The following KIAA1328 variants were observed in gnomAD, a reference collection of about 807,000 sequenced individuals.
KIAA1328 encodes protein hinderin.
A neutral mutation model predicts 68.1 loss-of-function variants in KIAA1328; 52 were observed. The ratio of observed to expected loss-of-function variants is 0.76; its 90% CI spans 0.61 to 0.96. The LOEUF (loss-of-function observed/expected upper bound fraction) is 0.96, where lower values mean the gene tolerates loss of function less well. Among genes scored for constraint, KIAA1328 ranks in the 40% least tolerant of loss-of-function variants. KIAA1328 has a pLI of 0.00. For missense variants in KIAA1328, 641 were observed against 677.6 expected (o/e 0.95, Z 0.60); for synonymous variants, 232 against 239.4 (o/e 0.97, Z 0.28).
Position 37,105,916 on chromosome 18 carries a change from C to CAAAAAAAAAAAAAAA in KIAA1328, c.1232+38386_1232+38400dup, listed in dbSNP as rs58940699. Among the ~76,000 whole-genome samples, 136 of 19,494 alleles carry CAAAAAAAAAAAAAAA rather than the reference C, an allele frequency of 7.0e-3. 17 individuals are homozygous for CAAAAAAAAAAAAAAA. The highest frequency in any genetic ancestry group is 0.012 in the African/African-American group (103 of 8,540). The allele number at this position is 19,494 out of a possible 152,430, so 12.8% of individuals were successfully genotyped here. On this transcript the variant is annotated intron_variant, in intron 7 of 9. Transcript: ENST00000280020. ...TGGTTGACAGAGCAAGACTCTGTGTCAAAAAAAAAAAAAAAAAAAAAAAAA... is the reference window on the plus strand; with the variant it reads ...TGGTTGACAGAGCAAGACTCTGTGTCAAAAAAAAAAAAAAAAAAAAAAAAAAAAAAAAAAAAAAAA...
intron 7 of KIAA1328, among the ~76,000 whole-genome samples, chr18:37,079,805 T>G (rs2056884977): frequency 6.6e-6 from 1 of 150,380 alleles, no homozygotes; most frequent in Admixed American, 6.7e-5. Flanking sequence ...GGGAATCGCT[T>G]GAGTGCGGGA....
chr18:36,843,854 C>G (rs1402974819), intron 3 of KIAA1328, among the ~76,000 whole-genome samples: 1 of 152,136 alleles, frequency 6.6e-6, no homozygotes, highest in African/African-American at 2.4e-5. Flanking sequence ...TTCGTATACC[C>G]TTAAGCAGCG....
intron 6 of KIAA1328, among the ~76,000 whole-genome samples, chr18:36,969,091 G>A (rs1048163542): frequency 1.3e-5 from 2 of 152,166 alleles, no homozygotes; most frequent in African/African-American, 4.8e-5. Flanking sequence ...TGAAATGATT[G>A]AGAACAAAGG....
At chr18:36,912,978 C>A (rs1301638495) in intron 5 of KIAA1328, among the ~76,000 whole-genome samples, 1 of 152,120 alleles carries the variant, frequency 6.6e-6, no homozygotes, top group African/African-American at 2.4e-5. Flanking sequence ...CATAATCCAG[C>A]CTGGGAAAAA....
chr18:37,203,895 C>T (rs979977513), intron 9 of KIAA1328, among the ~76,000 whole-genome samples: 31 of 152,152 alleles, frequency 2.0e-4, no homozygotes, highest in African/African-American at 4.3e-4. Flanking sequence ...CTGCAAGCTC[C>T]GCCTCCCGGG....
intron 9 of KIAA1328, among the ~76,000 whole-genome samples, chr18:37,201,264 A>G (rs2060108701): frequency 1.3e-5 from 2 of 152,248 alleles, no homozygotes; most frequent in Non-Finnish European, 2.9e-5. Flanking sequence ...TTACAATCAA[A>G]AAGAAAATCT....
intron 7 of KIAA1328, among the ~76,000 whole-genome samples, chr18:37,146,596 A>T (rs1485836184): frequency 6.6e-6 from 1 of 152,166 alleles, no homozygotes. Context: ...GGGTGTATAC[A>T]CAATAATGGG....
chr18:36,909,138 T>C (rs2049331226), intron 5 of KIAA1328, among the ~76,000 whole-genome samples: 1 of 152,168 alleles, frequency 6.6e-6, no homozygotes, highest in Non-Finnish European at 1.5e-5. Flanking sequence ...AATATGCTTT[T>C]TTTTATTATT....
chr18:37,024,560 A>C (rs1599004576), intron 6 of KIAA1328, among the ~76,000 whole-genome samples: 1 of 125,206 alleles, frequency 8.0e-6, no homozygotes, highest in Non-Finnish European at 1.6e-5. Flanking sequence ...CCGGTGTGTG[A>C]TGTTCCCCTT....
intron 9 of KIAA1328, among the ~76,000 whole-genome samples, chr18:37,190,594 T>A (rs1274296441): frequency 6.6e-6 from 1 of 152,162 alleles, no homozygotes; most frequent in African/African-American, 2.4e-5. Flanking sequence ...TCTTCACCCT[T>A]CTGGGATCCA....
intron 7 of KIAA1328, among the ~76,000 whole-genome samples, chr18:37,087,796 G>A (rs942302832): frequency 2.4e-4 from 37 of 152,196 alleles, no homozygotes; most frequent in African/African-American, 8.2e-4. Context: ...TGCCAATGTG[G>A]GGAGCCAGGG....
chr18:36,931,314 G>T (rs2050301521), intron 5 of KIAA1328, among the ~76,000 whole-genome samples: 2 of 152,036 alleles, frequency 1.3e-5, no homozygotes, highest in Non-Finnish European at 2.9e-5. Context: ...ATTACTGCAT[G>T]AGCTTTGCCT....
chr18:37,080,584 G>A (rs1017949116), intron 7 of KIAA1328, among the ~76,000 whole-genome samples: 2 of 151,962 alleles, frequency 1.3e-5, no homozygotes, highest in African/African-American at 4.8e-5. Flanking sequence ...ACACCATCCT[G>A]GCTAACACGG....
At chr18:36,976,202 C>T (rs1001176694) in intron 6 of KIAA1328, among the ~76,000 whole-genome samples, 3 of 152,074 alleles carry the variant, frequency 2.0e-5, no homozygotes, top group African/African-American at 7.2e-5. Flanking sequence ...TTAATAGACA[C>T]CTGTGGCTAT....
At position 37,145,815 on chromosome 18, in the gene KIAA1328, T is replaced by C. The variant is rs2058885296; in HGVS notation, c.1233-14385T>C. Among the ~76,000 whole-genome samples the C allele has an allele frequency of 2.0e-5, 3 of 152,214 alleles. No homozygotes were observed. The South Asian group carries it at 6.2e-4, about 32-fold the overall frequency. On this transcript the variant is annotated intron_variant, in intron 7 of 9. Coordinates refer to ENST00000280020, the MANE Select transcript of KIAA1328 (RefSeq NM_020776.3). ...TTTCAGGGCCTATCTCTTTTCATCC[T>C]TTTATGTTAACCTATTTATTATTTT...
intron 4 of KIAA1328, among the ~76,000 whole-genome samples, chr18:36,845,163 A>T (rs181965072): frequency 1.1e-3 from 162 of 151,888 alleles, no homozygotes; most frequent in African/African-American, 3.6e-3. Flanking sequence ...TGGGAGCCAG[A>T]ATACAGGGTG....
intron 6 of KIAA1328, among the ~76,000 whole-genome samples, chr18:37,013,378 G>A (rs1383610815): frequency 1.3e-5 from 2 of 152,024 alleles, no homozygotes; most frequent in African/African-American, 4.8e-5. Context: ...TTTTTATGGG[G>A]TACATGTGCA....
At chr18:37,033,516 A>G (rs2054912927) in intron 6 of KIAA1328, among the ~76,000 whole-genome samples, 1 of 152,196 alleles carries the variant, frequency 6.6e-6, no homozygotes, top group African/African-American at 2.4e-5. Flanking sequence ...AGTAAGATCG[A>G]GTGTCCTGGG....
chr18:37,111,843 C>T (rs753796883), intron 7 of KIAA1328, among the ~76,000 whole-genome samples: 3 of 152,176 alleles, frequency 2.0e-5, no homozygotes, highest in Non-Finnish European at 2.9e-5. Flanking sequence ...CTTTCCCAAC[C>T]GTCTTAGCAA....
Sources: gnomAD v4.1 joint callset for allele counts (sites outside exome capture counted in the v4.1 genomes callset) on GRCh38, gnomAD v4.1.1 for gene constraint, MANE v1.5 for transcripts, NCBI Gene and HGNC (gene_info 2026-07-23, HGNC 2026-07-21) for gene names.